Variants in MEIG1 observed in about 807,000 individuals in gnomAD.
MEIG1 encodes the protein meiosis/spermiogenesis associated 1.
MEIG1 carries 12 observed loss-of-function variants against 11.3 expected under a neutral mutation model. The observed-to-expected ratio is 1.07, with a 90% CI of 0.68 to 1.73. The LOEUF is 1.73. Ranked by LOEUF, MEIG1 falls within the 40% of genes most tolerant of loss-of-function variation. MEIG1 has a pLI of 0.00. For synonymous variants in MEIG1, 41 were observed against 33.2 expected (o/e 1.24, Z -0.81); for missense variants, 119 against 104.9 (o/e 1.13, Z -0.59).
intron 1 of MEIG1, among the ~76,000 whole-genome samples, chr10:14,964,437 A>C (rs976992749): frequency 5.9e-5 from 9 of 151,828 alleles, no homozygotes; most frequent in Non-Finnish European, 1.2e-4. Context: ...GATCCTTTTA[A>C]ATAAAACTTT....
chr10:14,966,607 G>GT lies in MEIG1; in HGVS notation c.138+2dup, dbSNP rs1369968070. ...TAGACAAGTGAAACAAGTTTCTATGGTAAGATTTCTGTCTCTACAAACCTC... is the reference window on the plus strand; with the variant it reads ...TAGACAAGTGAAACAAGTTTCTATGGTTAAGATTTCTGTCTCTACAAACCTC... On this transcript the variant is annotated splice_donor_variant, in intron 2 of 2. Transcript: ENST00000407572. LOFTEE classifies it high-confidence loss of function. 1 of 1,606,658 alleles carries GT rather than the reference G, an allele frequency of 6.2e-7. No individual in the cohort carries two copies.
chr10:14,974,278 T>C (rs1446863860), downstream of MEIG1, among the ~76,000 whole-genome samples: 2 of 152,158 alleles, frequency 1.3e-5, no homozygotes, highest in Non-Finnish European at 2.9e-5. Flanking sequence ...CTTGGAGCCC[T>C]CTCCGCCTTT....
intron 1 of MEIG1, among the ~76,000 whole-genome samples, chr10:14,962,409 G>A (rs1442429582): frequency 4.6e-5 from 7 of 152,136 alleles, no homozygotes; most frequent in African/African-American, 1.7e-4. Context: ...GGTATTTTGG[G>A]AAAATAAAAT....
downstream of MEIG1, among the ~76,000 whole-genome samples, chr10:14,977,555 T>G (rs1457259173): frequency 6.9e-6 from 1 of 144,656 alleles, no homozygotes; most frequent in African/African-American, 2.6e-5. Flanking sequence ...TATAGAGAGA[T>G]ATTACTTTAA....
At chr10:14,979,259 C>G (rs982496071) in intron 1 of MEIG1, among the ~76,000 whole-genome samples, 2 of 151,874 alleles carry the variant, frequency 1.3e-5, no homozygotes, top group African/African-American at 4.8e-5. Context: ...GGGGTGTACA[C>G]CCTGTGATAT....
chr10:14,955,618 A>G (rs1842925862), upstream of MEIG1, among the ~76,000 whole-genome samples: 1 of 152,182 alleles, frequency 6.6e-6, no homozygotes, highest in Admixed American at 6.5e-5. Context: ...GAATCACTTG[A>G]ACCTGGGAGG....
exon 2 of MEIG1, chr10:14,986,797 G>A (rs1368924570): frequency 2.8e-6 from 1 of 350,906 alleles, no homozygotes; most frequent in African/African-American, 2.2e-5. Flanking sequence ...TTTCCGTAGA[G>A]ACGGGGTTTC....
chr10:14,983,888 G>A (rs1417393521), intron 1 of MEIG1, among the ~76,000 whole-genome samples: 4 of 152,098 alleles, frequency 2.6e-5, no homozygotes, highest in African/African-American at 4.8e-5. Flanking sequence ...GAGAGAAGAG[G>A]ATGATGTTAC....
At position 14,979,235 on chromosome 10, in the gene MEIG1, T is replaced by C. The variant is rs536070015; in HGVS notation, n.66+6615T>C. On this transcript the variant is annotated intron_variant and non_coding_transcript_variant, in intron 1 of 2. Transcript: ENST00000467536. ...CCGTGATGTTCTAGAAAGATGTTAC[T>C]CCTAATGTCACAGGGGGTGTACACC... is the stretch of plus-strand genomic sequence containing the variant. Among the ~76,000 whole-genome samples the C allele has an allele frequency of 3.0e-4, 46 of 152,032 alleles. No individual in the cohort carries two copies. In the South Asian group the frequency reaches 9.3e-3, roughly 31 times the overall value.
intron 2 of MEIG1, among the ~76,000 whole-genome samples, chr10:14,969,511 CAT>C (rs1358115008): frequency 5.3e-5 from 8 of 151,750 alleles, no homozygotes; most frequent in South Asian, 2.1e-4. Context: ...AATGTAATCA[CAT>C]GTTTGAAGTG....
At chr10:14,956,990 A>T (rs1842959118), upstream of MEIG1, among the ~76,000 whole-genome samples, 1 of 152,154 alleles carries the variant, frequency 6.6e-6, no homozygotes, top group African/African-American at 2.4e-5. Flanking sequence ...GGAGGCAGAG[A>T]TTGCAGTGAG....
intron 2 of MEIG1, among the ~76,000 whole-genome samples, chr10:14,970,973 G>T (rs1340354266): frequency 6.6e-6 from 1 of 152,130 alleles, no homozygotes. Context: ...TTTGACAGTG[G>T]TGAAATACAT....
chr10:14,985,127 G>C (rs941335494), intron 1 of MEIG1, among the ~76,000 whole-genome samples: 1 of 151,882 alleles, frequency 6.6e-6, no homozygotes, highest in Non-Finnish European at 1.5e-5. Flanking sequence ...ATGTCACACG[G>C]GGTGTACACA....
chr10:14,964,620 CACAT>C (rs1278675480), intron 1 of MEIG1, among the ~76,000 whole-genome samples: 5 of 126,634 alleles, frequency 3.9e-5, no homozygotes, highest in Non-Finnish European at 6.5e-5. Flanking sequence ...CACACACACA[CACAT>C]ATATATGTAT....
At chr10:14,983,063 A>C (rs1843281243) in intron 1 of MEIG1, among the ~76,000 whole-genome samples, 1 of 152,108 alleles carries the variant, frequency 6.6e-6, no homozygotes, top group Admixed American at 6.5e-5. Flanking sequence ...TATTATGCCT[A>C]ATACCCCAGT....
intron 2 of MEIG1, among the ~76,000 whole-genome samples, chr10:14,968,279 T>G (rs1191222371): frequency 6.6e-6 from 1 of 151,824 alleles, no homozygotes; most frequent in Non-Finnish European, 1.5e-5. Context: ...CTTGAGGTAA[T>G]GAGTTTGAGA....
At chr10:14,984,499 G>A (rs540039023) in intron 1 of MEIG1, among the ~76,000 whole-genome samples, 44 of 152,122 alleles carry the variant, frequency 2.9e-4, no homozygotes, top group Non-Finnish European at 2.6e-4. Flanking sequence ...ATGTCACAAT[G>A]TGTGTACACC....
intron 1 of MEIG1, among the ~76,000 whole-genome samples, chr10:14,985,236 A>G (rs528903817): frequency 6.6e-6 from 1 of 152,088 alleles, no homozygotes; most frequent in Admixed American, 6.5e-5. Flanking sequence ...TATTCTAGGG[A>G]AATGTTGCTA....
At chr10:14,955,360 G>C (rs749543434), upstream of MEIG1, among the ~76,000 whole-genome samples, 2 of 152,176 alleles carry the variant, frequency 1.3e-5, no homozygotes, top group Non-Finnish European at 2.9e-5. Flanking sequence ...GCAAGGTAAC[G>C]TGAGAACAAA....
Sources: gnomAD v4.1 joint callset for allele counts (sites outside exome capture counted in the v4.1 genomes callset) on GRCh38, gnomAD v4.1.1 for gene constraint, MANE v1.5 for transcripts, NCBI Gene and HGNC (gene_info 2026-07-23, HGNC 2026-07-21) for gene names.